The following ISLR2 variants were observed in gnomAD, a reference collection of about 807,000 sequenced individuals.
ISLR2 encodes the protein immunoglobulin superfamily containing leucine-rich repeat protein 2.
A neutral mutation model predicts 25.5 loss-of-function variants in ISLR2; 16 were observed. That is an observed-to-expected ratio of 0.63 (90% confidence interval 0.43 to 0.95). ISLR2 has a LOEUF of 0.95. Among genes scored for constraint, ISLR2 ranks in the 40% least tolerant of loss-of-function variants. The pLI, the probability that ISLR2 is intolerant of heterozygous loss-of-function variation, is 0.00. For missense variants in ISLR2, 883 were observed against 1,030.7 expected (o/e 0.86, Z 1.96); for synonymous variants, 508 against 486.6 (o/e 1.04, Z -0.58).
chr15:74,131,037 A>G (rs980903516), intron 1 of ISLR2, 170 bp from the exon 2 acceptor site: 5 of 152,366 alleles, frequency 3.3e-5, no homozygotes, highest in East Asian at 1.9e-4. Context: ...GGGAGAGGCT[A>G]TGCGCGTCCC....
intron 2 of ISLR2, among the ~76,000 whole-genome samples, chr15:74,111,242 A>T (rs560908390): frequency 4.6e-5 from 7 of 151,740 alleles, no homozygotes; most frequent in African/African-American, 7.3e-5. Flanking sequence ...AGCCAATCTC[A>T]AAAGGCCACA....
chr15:74,102,490 A>T (rs2072087840), intron 1 of ISLR2, among the ~76,000 whole-genome samples: 1 of 146,824 alleles, frequency 6.8e-6, no homozygotes, highest in Admixed American at 6.9e-5. Flanking sequence ...TTTTACTATT[A>T]AAGATTGACT....
intron 2 of ISLR2, among the ~76,000 whole-genome samples, chr15:74,108,288 G>A (rs1453678556): frequency 3.3e-5 from 5 of 152,158 alleles, no homozygotes; most frequent in South Asian, 4.1e-4. Context: ...CATCAAAAGT[G>A]AGCTTTTCCC....
downstream of ISLR2, among the ~76,000 whole-genome samples, chr15:74,137,424 T>A (rs550399737): frequency 6.6e-6 from 1 of 152,074 alleles, no homozygotes; most frequent in Non-Finnish European, 1.5e-5. Context: ...GTGCGTTGTG[T>A]GGGTGGGTGG....
At chr15:74,114,633 G>T (rs1247307059) in intron 2 of ISLR2, among the ~76,000 whole-genome samples, 1 of 151,576 alleles carries the variant, frequency 6.6e-6, no homozygotes, top group Non-Finnish European at 1.5e-5. Flanking sequence ...AAAAGATACA[G>T]ATGTAAACAA....
upstream of ISLR2, chr15:74,128,574 C>T (rs1313286850): frequency 1.1e-5 from 5 of 456,572 alleles, no homozygotes; most frequent in Non-Finnish European, 2.2e-5. Flanking sequence ...CAGGGAAGCT[C>T]TGGGCAGATA....
chr15:74,126,345 G>GTTTTTTTTTTTTT (rs1228122616), upstream of ISLR2: 11 of 140,038 alleles, frequency 7.9e-5, no homozygotes, highest in African/African-American at 3.2e-4. Context: ...AAAAGCATAG[G>GTTTTTTTTTTTTT]TATTTTTTTT....
intron 2 of ISLR2, among the ~76,000 whole-genome samples, chr15:74,114,282 T>C (rs953075791): frequency 9.2e-5 from 14 of 152,212 alleles, no homozygotes; most frequent in Non-Finnish European, 1.9e-4. Flanking sequence ...ATACAGGTAC[T>C]CCATCATGGC....
intron 2 of ISLR2, among the ~76,000 whole-genome samples, chr15:74,111,530 C>A (rs1352903074): frequency 6.6e-6 from 1 of 151,928 alleles, no homozygotes; most frequent in Non-Finnish European, 1.5e-5. Context: ...TTCAACTGAT[C>A]CACCCGCCTC....
intron 2 of ISLR2, among the ~76,000 whole-genome samples, chr15:74,105,762 T>C (rs112083545): frequency 0.061 from 9,329 of 152,118 alleles, 355 homozygotes; most frequent in South Asian, 0.15. Flanking sequence ...TCACCATTCC[T>C]GGAGGAAAAG....
chr15:74,126,099 T>TG (rs1291828305), upstream of ISLR2: 1 of 151,814 alleles, frequency 6.6e-6, no homozygotes, highest in Non-Finnish European at 1.5e-5. Flanking sequence ...AAGGGGGTGG[T>TG]GGTGGTGAAG....
At chr15:74,106,982 G>A (rs1450783025) in intron 2 of ISLR2, among the ~76,000 whole-genome samples, 1 of 152,126 alleles carries the variant, frequency 6.6e-6, no homozygotes, top group East Asian at 1.9e-4. Flanking sequence ...TGGTGAGGGT[G>A]TTGGGGCTCT....
chr15:74,132,793 T>G lies in ISLR2; in HGVS notation c.39T>G (p.Leu13=). 6.2e-7 allele frequency: 1 copy of G among 1,614,038 alleles called. No homozygotes were observed. The highest frequency in any genetic ancestry group is 8.5e-7 in the Non-Finnish European group (1 of 1,179,940). The change falls in exon 3 of 3, where the codon CTT becomes CTG. Residue 13 remains leucine (L), a synonymous_variant. Transcript: ENST00000453268. This position sits in a 1 kb window ranked among gnomAD's most constrained non-coding sequence, Gnocchi z 4.3. The part of the protein sequence containing the change: ...PLRALWLVWA[L]LGVAGSCPEP... ...GGGCCCTGTGGTTGGTCTGGGCGCTTCTAGGAGTGGCCGGATCATGCCCGG... is the reference window on the plus strand; with the variant it reads ...GGGCCCTGTGGTTGGTCTGGGCGCTGCTAGGAGTGGCCGGATCATGCCCGG...
At chr15:74,140,272 A>G (rs1271496827), downstream of ISLR2, among the ~76,000 whole-genome samples, 1 of 152,164 alleles carries the variant, frequency 6.6e-6, no homozygotes, top group Non-Finnish European at 1.5e-5. Flanking sequence ...CATCAAAATA[A>G]CAACCACAAC....
chr15:74,113,249 C>A (rs1037940168), intron 2 of ISLR2, among the ~76,000 whole-genome samples: 3 of 152,222 alleles, frequency 2.0e-5, no homozygotes, highest in African/African-American at 4.8e-5. Context: ...TGGTTCCTAC[C>A]AGGTCACCGA....
chr15:74,134,393 G>C lies in ISLR2; in HGVS notation c.1639G>C (p.Glu547Gln). 6.2e-7 allele frequency: 1 copy of C among 1,610,076 alleles called. No homozygotes were observed. Among genetic ancestry groups the C allele is most frequent in the East Asian group, 2.2e-5 (1 of 44,780 alleles). The change falls in exon 3 of 3, where the codon GAG (glutamate) becomes CAG (glutamine). Residue 547 changes from glutamate to glutamine, a missense_variant. Around this residue, in one of 2 missense-constraint regions of ISLR2, gnomAD observed 612 missense variants for 642.8 expected, o/e 0.95. Coordinates refer to ENST00000453268, the MANE Select transcript of ISLR2 (RefSeq NM_020851.3). ...GGAAVQWSRV[E>Q]EGVNAYWFRG... ...CGCGGCAGTGCAGTGGTCCCGCGTAGAGGAAGGCGTCAACGCCTACTGGTT... is the reference window on the plus strand; with the variant it reads ...CGCGGCAGTGCAGTGGTCCCGCGTACAGGAAGGCGTCAACGCCTACTGGTT...
In ISLR2 at chr15:74,136,076, G is replaced by T. The variant is rs542712211; in HGVS notation, c.*1084G>T. ...CTGGGAAAATCGAGTGTGTGTGTCGGGGGGTAGGGAGGGAATGCGTTTTCT... is the reference window on the plus strand; with the variant it reads ...CTGGGAAAATCGAGTGTGTGTGTCGTGGGGTAGGGAGGGAATGCGTTTTCT... On this transcript the variant is annotated 3_prime_UTR_variant, in exon 3 of 3. Coordinates refer to ENST00000453268, the MANE Select transcript of ISLR2 (RefSeq NM_020851.3). 1 of 166,844 alleles carries T rather than the reference G, an allele frequency of 6.0e-6. No homozygotes were observed. The highest frequency in any genetic ancestry group is 1.5e-5 in the Non-Finnish European group (1 of 68,170). The allele number at this position is 166,844 out of a possible 1,614,324, so 10.3% of individuals were successfully genotyped here. A position where few individuals can be genotyped will look rare whatever the true frequency, so the allele number is the denominator to read the frequency against.
rs961647981 is a variant in ISLR2 at position 74,136,040 on chromosome 15, C to T, written c.*1048C>T. ...ATTTCGGGTCTGGTGCTAACACCCC[C>T]TTCCCAGCCTCTGGGAAAATCGAGT... On this transcript the variant is annotated 3_prime_UTR_variant, in exon 3 of 3. Coordinates refer to ENST00000453268, the MANE Select transcript of ISLR2 (RefSeq NM_020851.3). 1.8e-5 allele frequency: 3 copies of T among 167,176 alleles called. No individual in the cohort carries two copies. 10.4% of individuals were successfully genotyped at this position (167,176 alleles called of 1,614,324 possible). A position where few individuals can be genotyped will look rare whatever the true frequency, so the allele number is the denominator to read the frequency against.
Position 74,135,090 on chromosome 15 carries a change from C to T in ISLR2, c.*98C>T. On this transcript the variant is annotated 3_prime_UTR_variant, in exon 3 of 3. Coordinates refer to ENST00000453268, the MANE Select transcript of ISLR2 (RefSeq NM_020851.3). ...AGGACTTATGTCCCCCGTCCCCAAC[C>T]TTCACCTACTCCTCCCCCTTACTAC... is the stretch of plus-strand genomic sequence containing the variant. The T allele has an allele frequency of 7.1e-7, 1 of 1,404,778 alleles. No homozygotes were observed. Among genetic ancestry groups the T allele is most frequent in the Non-Finnish European group, 9.8e-7 (1 of 1,025,606 alleles). The allele number at this position is 1,404,778 out of a possible 1,614,324, so 87.0% of individuals were successfully genotyped here. A position where few individuals can be genotyped will look rare whatever the true frequency, so the allele number is the denominator to read the frequency against.
Sources: gnomAD v4.1 joint callset for allele counts (sites outside exome capture counted in the v4.1 genomes callset) on GRCh38, gnomAD v4.1.1 for gene constraint, gnomAD v4.1.1 regional missense constraint, Gnocchi (gnomAD v3.1) non-coding constraint, MANE v1.5 for transcripts, NCBI Gene and HGNC (gene_info 2026-07-23, HGNC 2026-07-21) for gene names.